Variants in NIBAN2 observed in about 807,000 individuals in gnomAD.
The protein encoded by NIBAN2 is protein Niban 2.
In NIBAN2, 36 loss-of-function variants were observed where a neutral mutation model predicts 81.8. The observed-to-expected ratio is 0.44, with a 90% CI of 0.34 to 0.58. NIBAN2 has a LOEUF of 0.58. NIBAN2 is among the 20% of genes least tolerant of loss of function. The probability of loss-of-function intolerance (pLI) is 0.02; values close to 1 mark genes in which losing one functional copy is unlikely to be tolerated. For synonymous variants in NIBAN2, 445 were observed against 441.6 expected (o/e 1.01, Z -0.10); for missense variants, 897 against 1,014.1 (o/e 0.88, Z 1.57).
chr9:127,569,171 C>G, upstream of NIBAN2: 1 of 754,296 alleles, frequency 1.3e-6, no homozygotes, highest in Non-Finnish European at 1.6e-6. Flanking sequence ...CCGCCCGCTG[C>G]CCTGCGCCCG....
Position 127,563,586 on chromosome 9 carries a change from G to C in NIBAN2, c.55+5234C>G, listed in dbSNP as rs569463558. Among the ~76,000 whole-genome samples, 21 of 151,724 alleles carry C rather than the reference G, an allele frequency of 1.4e-4. No homozygotes were observed. The highest frequency in any genetic ancestry group is 4.8e-4 in the African/African-American group (20 of 41,368). On this transcript the variant is annotated intron_variant, in intron 1 of 13. Transcript: ENST00000373312. The surrounding 1 kb of genome is among the most constrained non-coding windows in gnomAD (Gnocchi z 4.1). ...CACCCAGGCTGGAGTGCAATGGTGC[G>C]ATCTCGTCTCACTGCAACCTCCACC...
chr9:127,553,081 T>C (rs1837607844), intron 1 of NIBAN2, among the ~76,000 whole-genome samples: 1 of 152,212 alleles, frequency 6.6e-6, no homozygotes, highest in Non-Finnish European at 1.5e-5. Flanking sequence ...GGAAGGTGCC[T>C]GAAAGTCTTT....
chr9:127,552,784 G>T (rs1837602825), intron 1 of NIBAN2, among the ~76,000 whole-genome samples: 1 of 150,226 alleles, frequency 6.7e-6, no homozygotes, highest in African/African-American at 2.5e-5. Context: ...TGCCTCCTGG[G>T]TTCAAGCAAT....
At chr9:127,557,602 C>A (rs528939000) in intron 1 of NIBAN2, among the ~76,000 whole-genome samples, 5 of 152,238 alleles carry the variant, frequency 3.3e-5, no homozygotes, top group Admixed American at 1.3e-4. Flanking sequence ...CAGCTCCTCT[C>A]GGATTCTGCC....
At position 127,506,720 on chromosome 9, in the gene NIBAN2, G is replaced by T; in HGVS notation, c.*125C>A. 1 of 800,024 alleles carries T rather than the reference G, an allele frequency of 1.2e-6. No homozygotes were observed. Among genetic ancestry groups the T allele is most frequent in the Non-Finnish European group, 1.9e-6 (1 of 536,410 alleles). 49.6% of individuals were successfully genotyped at this position (800,024 alleles called of 1,614,324 possible). On this transcript the variant is annotated 3_prime_UTR_variant, in exon 14 of 14. Coordinates refer to ENST00000373312, the MANE Select transcript of NIBAN2 (RefSeq NM_022833.4). ...TCAGGTGGGCCCGCTCCCTGGCGGT[G>T]CCACACAGCCCTGCCCCGCCTCCAC...
At chr9:127,523,186 AAAAAAAATATATATATATATAT>A (rs1836979618) in intron 5 of NIBAN2, among the ~76,000 whole-genome samples, 4 of 32,920 alleles carry the variant, frequency 1.2e-4, no homozygotes, top group African/African-American at 5.5e-4. Context: ...AAAAAAAAAA[AAAAAAAATATATATATATATAT>A]ATATATATAT....
At chr9:127,564,118 C>T (rs1364787808) in intron 1 of NIBAN2, among the ~76,000 whole-genome samples, 2 of 151,892 alleles carry the variant, frequency 1.3e-5, no homozygotes, top group Non-Finnish European at 2.9e-5. Context: ...TATGGTAAAA[C>T]CCCATCTCTA....
At chr9:127,547,219 T>C (rs976371798) in intron 1 of NIBAN2, among the ~76,000 whole-genome samples, 3 of 152,158 alleles carry the variant, frequency 2.0e-5, no homozygotes, top group Admixed American at 6.5e-5. Flanking sequence ...CTCTGTTTCC[T>C]CAGCTGTAAC....
intron 3 of NIBAN2, 22 bp from the exon 4 acceptor site, chr9:127,525,185 G>A (rs374479924): frequency 1.9e-5 from 31 of 1,591,484 alleles, no homozygotes; most frequent in Non-Finnish European, 4.3e-6. Context: ...AAGAGAGAGG[G>A]TCCCTGAGGG....
chr9:127,541,951 G>T (rs985822241), intron 1 of NIBAN2, among the ~76,000 whole-genome samples: 12 of 152,006 alleles, frequency 7.9e-5, no homozygotes, highest in African/African-American at 2.7e-4. Context: ...CAGCACCCAG[G>T]GGCCAGTCAA....
upstream of NIBAN2, among the ~76,000 whole-genome samples, chr9:127,571,415 C>T (rs1482074929): frequency 1.3e-5 from 2 of 152,122 alleles, no homozygotes; most frequent in Non-Finnish European, 2.9e-5. Context: ...AGTGGAAAGG[C>T]GGCCGGGCGC....
chr9:127,517,810 GCCC>G lies in NIBAN2; in HGVS notation c.705+13_705+15del, dbSNP rs769192394. On this transcript the variant is annotated intron_variant, in intron 6 of 13. Transcript: ENST00000373312. This position sits in a 1 kb window ranked among gnomAD's most constrained non-coding sequence, Gnocchi z 4.0. The stretch of plus-strand genomic sequence containing the variant: ...GGTGACTTCTGAGGTTTCCTCACCA[GCCC>G]GTCTGGCCTCACCTGCACCTCGTTC... 4.4e-6 allele frequency: 7 copies of G among 1,599,184 alleles called. No homozygotes were observed. Among genetic ancestry groups the G allele is most frequent in the Non-Finnish European group, 6.0e-6 (7 of 1,167,966 alleles).
intron 1 of NIBAN2, among the ~76,000 whole-genome samples, chr9:127,547,260 G>A (rs1167843094): frequency 6.6e-6 from 1 of 152,186 alleles, no homozygotes; most frequent in African/African-American, 2.4e-5. Flanking sequence ...GCCAGGTGCG[G>A]TGGCTCACGC....
At position 127,507,022 on chromosome 9, in the gene NIBAN2, G is replaced by A. The variant is rs752990210; in HGVS notation, c.2064C>T (p.Pro688=). 11 of 1,591,034 alleles carry A rather than the reference G, an allele frequency of 6.9e-6. No homozygotes were observed. The highest frequency in any genetic ancestry group is 6.7e-5 in the South Asian group (6 of 88,964). ...GTGAGGCAGGCGGCGAGGAGGCCTC[G>A]GGGGCGGCCTTAGGCTGGGGACTCT... ...AGESPQPKAA[P]EASSPPASPL... The change falls in exon 14 of 14, where the codon CCC becomes CCT. Residue 688 remains proline, a synonymous_variant. Coordinates refer to ENST00000373312, the MANE Select transcript of NIBAN2 (RefSeq NM_022833.4). The surrounding 1 kb of genome is among the most constrained non-coding windows in gnomAD (Gnocchi z 6.8).
chr9:127,540,223 A>T (rs1337303887), intron 1 of NIBAN2, among the ~76,000 whole-genome samples: 1 of 152,186 alleles, frequency 6.6e-6, no homozygotes, highest in Non-Finnish European at 1.5e-5. Context: ...TCCTGTGCAG[A>T]TAGTGAGGCT....
At position 127,507,766 on chromosome 9, in the gene NIBAN2, C is replaced by T; in HGVS notation, c.1654+101G>A. On this transcript the variant is annotated intron_variant, in intron 13 of 13. Coordinates refer to ENST00000373312, the MANE Select transcript of NIBAN2 (RefSeq NM_022833.4). This position sits in a 1 kb window ranked among gnomAD's most constrained non-coding sequence, Gnocchi z 6.8. The stretch of plus-strand genomic sequence containing the variant: ...CCCAGACCCCAGGTGCAAGTCTGGG[C>T]TTTTCTTTGAGCCTTAGCTGACCCC... The T allele has an allele frequency of 9.1e-7, 1 of 1,100,768 alleles. No homozygotes were observed. The highest frequency in any genetic ancestry group is 1.4e-6 in the Non-Finnish European group (1 of 727,984). 68.2% of individuals were successfully genotyped at this position (1,100,768 alleles called of 1,614,324 possible).
At chr9:127,519,446 C>T (rs139218190) in intron 5 of NIBAN2, among the ~76,000 whole-genome samples, 200 of 152,300 alleles carry the variant, frequency 1.3e-3, no homozygotes, top group African/African-American at 4.6e-3. Context: ...CTCTGACCAC[C>T]GCATCCCCAA....
intron 1 of NIBAN2, among the ~76,000 whole-genome samples, chr9:127,566,133 A>G (rs1837855173): frequency 6.7e-6 from 1 of 149,164 alleles, no homozygotes; most frequent in Admixed American, 6.7e-5. Context: ...CCTTGTCTCA[A>G]AAAAAAAAAG....
At chr9:127,526,045 G>C (rs1281953548) in intron 3 of NIBAN2, among the ~76,000 whole-genome samples, 1 of 152,130 alleles carries the variant, frequency 6.6e-6, no homozygotes, top group Non-Finnish European at 1.5e-5. Context: ...AGAACCTGTA[G>C]GGCACTGATT....
Sources: allele counts gnomAD v4.1 joint callset (sites outside exome capture counted in the v4.1 genomes callset), GRCh38; gene constraint gnomAD v4.1.1; non-coding constraint Gnocchi (gnomAD v3.1); transcripts MANE v1.5; gene names NCBI Gene and HGNC (gene_info 2026-07-23, HGNC 2026-07-21).